ANKFY1: variants seen among roughly 807,000 people sequenced by gnomAD.
ANKFY1 encodes the protein ankyrin repeat and FYVE domain containing 1, also known as ankyrin repeat and FYVE domain-containing protein 1.
Under a neutral mutation model 128.3 loss-of-function variants are expected in ANKFY1, and 47 were observed. The observed-to-expected ratio is 0.37, with a 90% CI of 0.29 to 0.47. ANKFY1 has a LOEUF of 0.47. ANKFY1 is among the 20% of genes least tolerant of loss of function. The pLI is 1.00. For synonymous variants in ANKFY1, 553 were observed against 601.6 expected (o/e 0.92, Z 1.18); for missense variants, 1,222 against 1,510.6 (o/e 0.81, Z 3.17).
At position 4,170,715 on chromosome 17, in the gene ANKFY1, C is replaced by T; in HGVS notation, c.3286G>A (p.Asp1096Asn). 6.2e-7 allele frequency: 1 copy of T among 1,607,478 alleles called. No individual in the cohort carries two copies. The highest frequency in any genetic ancestry group is 8.5e-7 in the Non-Finnish European group (1 of 1,176,402). The change falls in exon 23 of 25, where the codon GAT (aspartate) becomes AAT (asparagine). Residue 1096 changes from aspartate (D) to asparagine (N), a missense_variant and splice_region_variant. By Grantham distance (23) the Asp-to-Asn change is conservative. Transcript: ENST00000341657. Reference sequence around the variant, plus strand: ...TGAGAGCAGAGAGCGGGCCACTCACCCAGCAGTCGGAACAGGAGCTGCTTG... The same window carrying T: ...TGAGAGCAGAGAGCGGGCCACTCACTCAGCAGTCGGAACAGGAGCTGCTTG... ...ATKQLLFRLL[D>N]MLSKEPPWCD...
intron 1 of ANKFY1, among the ~76,000 whole-genome samples, chr17:4,246,414 T>G (rs961808726): frequency 1.3e-5 from 2 of 152,122 alleles, no homozygotes; most frequent in Admixed American, 1.3e-4. Context: ...ATACAAATAA[T>G]TATGAGCCCA....
At chr17:4,186,492 A>G (rs946567770) in intron 11 of ANKFY1, 2 of 151,362 alleles carry the variant, frequency 1.3e-5, no homozygotes, top group African/African-American at 2.4e-5. Flanking sequence ...GTAACTCTCC[A>G]TATTTCTAAC....
chr17:4,209,739 G>A, intron 5 of ANKFY1, 85 bp downstream of exon 5: 1 of 1,462,526 alleles, frequency 6.8e-7, no homozygotes, highest in Non-Finnish European at 9.2e-7. Flanking sequence ...TGCCAGAGAG[G>A]TCACTTTCCA....
intron 5 of ANKFY1, 112 bp from the exon 6 acceptor site, chr17:4,208,194 C>T: frequency 3.0e-6 from 3 of 984,552 alleles, no homozygotes; most frequent in Non-Finnish European, 2.8e-6. Context: ...AGGGCTTAAC[C>T]TTTCCCAACT....
intron 21 of ANKFY1, 51 bp downstream of exon 21, chr17:4,173,303 C>A: frequency 6.4e-7 from 1 of 1,572,790 alleles, no homozygotes; most frequent in Non-Finnish European, 8.7e-7. Context: ...ACCAGCAGCT[C>A]TGAGCAGCAG....
In ANKFY1 at chr17:4,179,393, C is replaced by T. The variant is rs1598019235; in HGVS notation, c.2397+328G>A. On this transcript the variant is annotated intron_variant, in intron 17 of 24. Transcript: ENST00000341657. ...TCGAATGTTGAAAAGCATCAAAGGG[C>T]GTAACTCAGGGGTGCTCAAGTGAGC... is the stretch of plus-strand genomic sequence containing the variant. 3.9e-5 allele frequency: 20 copies of T among 514,260 alleles called. No homozygotes were observed. The East Asian group carries it at 5.1e-4, about 13-fold the overall frequency. The allele number at this position is 514,260 out of a possible 1,614,324, so 31.9% of individuals were successfully genotyped here. A position where few individuals can be genotyped will look rare whatever the true frequency, so the allele number is the denominator to read the frequency against.
intron 8 of ANKFY1, among the ~76,000 whole-genome samples, chr17:4,197,040 G>A (rs1270234534): frequency 6.6e-6 from 1 of 152,152 alleles, no homozygotes; most frequent in African/African-American, 2.4e-5. Flanking sequence ...GATCACCTGT[G>A]CTCAGGAGGT....
At chr17:4,189,291 A>C (rs1389764580) in intron 11 of ANKFY1, 91 bp downstream of exon 11, 10 of 1,107,462 alleles carry the variant, frequency 9.0e-6, no homozygotes, top group Middle Eastern at 2.0e-4. Flanking sequence ...AACTGAAAAA[A>C]ACCACCTATT....
At chr17:4,227,865 A>G (rs931799739) in intron 3 of ANKFY1, among the ~76,000 whole-genome samples, 3 of 152,226 alleles carry the variant, frequency 2.0e-5, no homozygotes, top group Admixed American at 1.3e-4. Flanking sequence ...ACCTGCCTAT[A>G]TCAAGCGTTA....
rs562683792 is a variant in ANKFY1, at chr17:4,199,145, G to A, written c.899-1568C>T. Among the ~76,000 whole-genome samples, 3 of 152,356 alleles carry A rather than the reference G, an allele frequency of 2.0e-5. No homozygotes were observed. In the South Asian group the frequency reaches 6.2e-4, roughly 32 times the overall value. ...ACTGCACTCTAGCCTGGGTGACAGA[G>A]AGAGATCCTGACTCAACAAAGGCTG... On this transcript the variant is annotated intron_variant, in intron 7 of 24. Coordinates refer to ENST00000341657, the MANE Select transcript of ANKFY1 (RefSeq NM_001330063.2).
chr17:4,173,628 T>C (rs1460943800), intron 20 of ANKFY1, among the ~76,000 whole-genome samples, 184 bp from the exon 21 acceptor site: 13 of 152,360 alleles, frequency 8.5e-5, no homozygotes, highest in African/African-American at 2.6e-4. Context: ...AATCTCATGA[T>C]TGCTCTGTGC....
In ANKFY1 at chr17:4,217,019, A is replaced by G; in HGVS notation, c.422T>C (p.Leu141Pro). The G allele has an allele frequency of 6.2e-7, 1 of 1,614,180 alleles. No homozygotes were observed. The highest frequency in any genetic ancestry group is 8.5e-7 in the Non-Finnish European group (1 of 1,180,028). ...DDVFLTELMK[L>P]ANRFQLQLLR... ...GAGCTGTAGCTGAAACCGATTTGCT[A>G]GTTTCATCAGTTCAGTCAGGAACAC... Residue 141 changes from leucine (L) to proline (P), a missense_variant, in exon 4 of 25, where the codon CTA becomes CCA. Physicochemically the swap from Leu to Pro is moderately conservative, Grantham distance 98. Transcript: ENST00000341657.
At chr17:4,254,151 A>G (rs2143520488) in intron 1 of ANKFY1, among the ~76,000 whole-genome samples, 1 of 152,096 alleles carries the variant, frequency 6.6e-6, no homozygotes, top group Middle Eastern at 3.4e-3. Flanking sequence ...TAAAAATACA[A>G]AAATTAGCCA....
chr17:4,263,347 C>T (rs1003787148), intron 1 of ANKFY1, among the ~76,000 whole-genome samples: 1 of 152,200 alleles, frequency 6.6e-6, no homozygotes. Context: ...ACTCCCTTCC[C>T]GCAAACCCCT....
At chr17:4,193,944 G>A (rs2143009264) in intron 10 of ANKFY1, among the ~76,000 whole-genome samples, 1 of 150,886 alleles carries the variant, frequency 6.6e-6, no homozygotes, top group Admixed American at 6.6e-5. Context: ...TTTTAGTAAA[G>A]ACAGGCTTTC....
At chr17:4,185,385 T>C (rs1173234180) in intron 11 of ANKFY1, among the ~76,000 whole-genome samples, 1 of 152,136 alleles carries the variant, frequency 6.6e-6, no homozygotes, top group Non-Finnish European at 1.5e-5. Context: ...TTTGTATTTT[T>C]AGTACAGACA....
At chr17:4,193,324 T>C (rs751408299) in intron 10 of ANKFY1, among the ~76,000 whole-genome samples, 4 of 151,746 alleles carry the variant, frequency 2.6e-5, no homozygotes, top group Non-Finnish European at 5.9e-5. Flanking sequence ...GGAGTGATCA[T>C]AGCTCACTGC....
In ANKFY1 at chr17:4,182,162, A is replaced by G. The variant is rs751121907; in HGVS notation, c.2121+19T>C. The G allele has an allele frequency of 6.1e-6, 9 of 1,469,128 alleles. No homozygotes were observed. In the South Asian group the frequency reaches 1.2e-4, roughly 20 times the overall value. The allele number at this position is 1,469,128 out of a possible 1,614,324, so 91.0% of individuals were successfully genotyped here. ...ATATCCCCATCTGTAAACAGAGGCT[A>G]ACGTTGTGCCTGTCTCACCAGAGTG... is the stretch of plus-strand genomic sequence containing the variant. On this transcript the variant is annotated intron_variant, in intron 15 of 24. Transcript: ENST00000341657.
chr17:4,170,487 TG>T (rs1038644928), intron 23 of ANKFY1, among the ~76,000 whole-genome samples: 14 of 152,052 alleles, frequency 9.2e-5, no homozygotes, highest in African/African-American at 3.4e-4. Context: ...TTGTGGGGTG[TG>T]GGAAATGCAC....
Sources: gnomAD v4.1 joint callset for allele counts (sites outside exome capture counted in the v4.1 genomes callset) on GRCh38, gnomAD v4.1.1 for gene constraint, MANE v1.5 for transcripts, NCBI Gene and HGNC (gene_info 2026-07-23, HGNC 2026-07-21) for gene names.